TLN2: variants seen among roughly 807,000 people sequenced by gnomAD.
TLN2 encodes the protein talin-2.
TLN2 carries 118 observed loss-of-function variants against 294.7 expected under a neutral mutation model. The observed-to-expected ratio is 0.40, with a 90% CI of 0.34 to 0.47. TLN2 has a LOEUF of 0.47. Among genes scored for constraint, TLN2 ranks in the 20% least tolerant of loss-of-function variants. TLN2 has a pLI of 0.84. For synonymous variants in TLN2, 1,431 were observed against 1,304.5 expected (o/e 1.10, Z -2.09); for missense variants, 3,083 against 3,282.2 (o/e 0.94, Z 1.48).
chr15:62,642,031 A>G (rs965868893), intron 3 of TLN2, among the ~76,000 whole-genome samples: 2 of 152,246 alleles, frequency 1.3e-5, no homozygotes, highest in African/African-American at 4.8e-5. Flanking sequence ...ATATTTTAAC[A>G]GGACAATGTC....
intron 1 of TLN2, among the ~76,000 whole-genome samples, chr15:62,419,913 C>T (rs918021728): frequency 5.3e-5 from 8 of 152,206 alleles, no homozygotes; most frequent in African/African-American, 1.9e-4. Flanking sequence ...GCGTGAGCCA[C>T]AGTGCCCCTC....
intron 54 of TLN2, chr15:62,823,868 G>A (rs78481497): frequency 1.6e-5 from 7 of 451,298 alleles, no homozygotes; most frequent in African/African-American, 6.2e-5. Flanking sequence ...GACAGTTATC[G>A]GAGTTGCTGC....
At chr15:62,463,027 T>A (rs890608380) in intron 1 of TLN2, among the ~76,000 whole-genome samples, 5 of 152,130 alleles carry the variant, frequency 3.3e-5, no homozygotes, top group Non-Finnish European at 7.4e-5. Flanking sequence ...GGGGTACTTA[T>A]TCCCCGTCAG....
At chr15:62,703,981 T>C (rs2058896123) in intron 19 of TLN2, among the ~76,000 whole-genome samples, 1 of 152,180 alleles carries the variant, frequency 6.6e-6, no homozygotes. Flanking sequence ...TTCTCCTAAG[T>C]CTCTAATTTT....
intron 1 of TLN2, among the ~76,000 whole-genome samples, chr15:62,441,791 T>G (rs182456912): frequency 6.6e-6 from 1 of 152,300 alleles, no homozygotes; most frequent in Non-Finnish European, 1.5e-5. Flanking sequence ...CAGTCATGCC[T>G]ATTTAATGAG....
At chr15:62,677,747 T>C (rs2056382584) in intron 11 of TLN2, among the ~76,000 whole-genome samples, 1 of 151,224 alleles carries the variant, frequency 6.6e-6, no homozygotes, top group Non-Finnish European at 1.5e-5. Context: ...TTATTTTTTT[T>C]TAAAAATTAC....
chr15:62,790,304 G>T (rs6494361), intron 45 of TLN2, among the ~76,000 whole-genome samples: 1 of 152,092 alleles, frequency 6.6e-6, no homozygotes, highest in East Asian at 1.9e-4. Context: ...TCCGTTTGAC[G>T]TATTGAGATC....
At position 62,815,233 on chromosome 15, in the gene TLN2, TCAC is replaced by T. The variant is rs1567666494; in HGVS notation, c.6772-4282_6772-4280del. Among the ~76,000 whole-genome samples, 198 of 124,280 alleles carry T rather than the reference TCAC, an allele frequency of 1.6e-3. 1 individual carries two copies. Among genetic ancestry groups the T allele is most frequent in the African/African-American group, 6.3e-3 (188 of 29,874 alleles). The allele number at this position is 124,280 out of a possible 152,430, so 81.5% of individuals were successfully genotyped here. A position where few individuals can be genotyped will look rare whatever the true frequency, so the allele number is the denominator to read the frequency against. On this transcript the variant is annotated intron_variant, in intron 52 of 58. Coordinates refer to ENST00000636159, the MANE Select transcript of TLN2 (RefSeq NM_015059.3). ...CACACACACACACACACACACACAC[TCAC>T]TCGCTCTGCCCTTCACTCTGTTCTT...
chr15:62,793,292 T>C (rs1319572093), intron 46 of TLN2, among the ~76,000 whole-genome samples: 1 of 150,564 alleles, frequency 6.6e-6, no homozygotes, highest in Non-Finnish European at 1.5e-5. Flanking sequence ...GGCGTGTGCC[T>C]TTGTGGAGAA....
intron 28 of TLN2, among the ~76,000 whole-genome samples, chr15:62,729,879 T>C (rs1381635027): frequency 6.6e-6 from 1 of 152,166 alleles, no homozygotes; most frequent in Non-Finnish European, 1.5e-5. Context: ...TTCTATTTCC[T>C]TCCTCTTGAT....
intron 1 of TLN2, among the ~76,000 whole-genome samples, chr15:62,409,514 A>AT (rs1279240628): frequency 1.3e-5 from 2 of 152,124 alleles, no homozygotes; most frequent in Admixed American, 1.3e-4. Flanking sequence ...TCCCCTTCTC[A>AT]TTTTTTATAA....
chr15:62,777,898 A>G (rs1336353157), intron 43 of TLN2, among the ~76,000 whole-genome samples: 1 of 152,242 alleles, frequency 6.6e-6, no homozygotes. Flanking sequence ...TTCATTAGTC[A>G]TGTAAGTTTG....
At chr15:62,702,298 C>T in intron 18 of TLN2, 98 bp downstream of exon 18, 1 of 1,303,344 alleles carries the variant, frequency 7.7e-7, no homozygotes, top group Non-Finnish European at 1.0e-6. Flanking sequence ...TTCCTTGCGT[C>T]TTGATGGGGT....
intron 45 of TLN2, among the ~76,000 whole-genome samples, chr15:62,787,998 T>G (rs1019210441): frequency 3.4e-5 from 5 of 147,960 alleles, no homozygotes; most frequent in African/African-American, 1.2e-4. Context: ...AGTCTAAATC[T>G]CTTATCTTTT....
intron 36 of TLN2, chr15:62,754,409 GC>G (rs2062109239): frequency 6.6e-6 from 1 of 152,284 alleles, no homozygotes; most frequent in Non-Finnish European, 1.5e-5. Context: ...ACTGAACCGG[GC>G]CTCAAAGTTG....
At chr15:62,695,167 T>G (rs2058237610) in intron 14 of TLN2, among the ~76,000 whole-genome samples, 1 of 152,260 alleles carries the variant, frequency 6.6e-6, no homozygotes, top group South Asian at 2.1e-4. Context: ...TAAATGGCTC[T>G]TTTTGGGAAA....
intron 28 of TLN2, among the ~76,000 whole-genome samples, chr15:62,728,655 G>A (rs1039574014): frequency 6.6e-6 from 1 of 152,198 alleles, no homozygotes; most frequent in African/African-American, 2.4e-5. Flanking sequence ...CTGATGAACA[G>A]TGCCATCGAG....
intron 11 of TLN2, among the ~76,000 whole-genome samples, chr15:62,678,148 A>G (rs2056442734): frequency 1.3e-5 from 2 of 152,108 alleles, no homozygotes; most frequent in African/African-American, 4.8e-5. Context: ...TATTAATTTT[A>G]TTTTTGTTGC....
intron 54 of TLN2, among the ~76,000 whole-genome samples, chr15:62,826,909 A>G (rs1369873520): frequency 2.0e-5 from 3 of 152,158 alleles, no homozygotes; most frequent in African/African-American, 4.8e-5. Flanking sequence ...CTGATGCACT[A>G]TGACCTTATT....
Sources: gnomAD v4.1 joint callset for allele counts (sites outside exome capture counted in the v4.1 genomes callset) on GRCh38, gnomAD v4.1.1 for gene constraint, MANE v1.5 for transcripts, NCBI Gene and HGNC (gene_info 2026-07-23, HGNC 2026-07-21) for gene names.